The following ANGPT1 variants were observed in gnomAD, a reference collection of about 807,000 sequenced individuals.
ANGPT1 encodes the protein angiopoietin-1.
Under a neutral mutation model 62.2 loss-of-function variants are expected in ANGPT1, and 17 were observed. That is an observed-to-expected ratio of 0.27 (90% CI 0.19 to 0.41). ANGPT1 has a LOEUF of 0.41. Ranked by LOEUF, ANGPT1 falls within the 10% of genes least tolerant of loss-of-function variation. The pLI is 1.00. For missense variants in ANGPT1, 478 were observed against 594.9 expected, an observed-to-expected ratio of 0.80 and a Z score of 2.04; for synonymous variants, 199 against 198.9, an observed-to-expected ratio of 1.00 and a Z score of 0.00.
intron 2 of ANGPT1, among the ~76,000 whole-genome samples, chr8:107,341,760 T>C (rs1402525836): frequency 6.6e-6 from 1 of 151,820 alleles, no homozygotes; most frequent in Non-Finnish European, 1.5e-5. Context: ...TGGGTAGAAA[T>C]AACTCTCCCA....
At chr8:107,458,093 A>C (rs894904687) in intron 1 of ANGPT1, among the ~76,000 whole-genome samples, 3 of 152,178 alleles carry the variant, frequency 2.0e-5, no homozygotes, top group Non-Finnish European at 4.4e-5. Context: ...TACAACAATT[A>C]TTGTCCATGT....
At chr8:107,452,484 ATTTTTATT>A (rs1305601407) in intron 1 of ANGPT1, among the ~76,000 whole-genome samples, 1 of 150,936 alleles carries the variant, frequency 6.6e-6, no homozygotes, top group Non-Finnish European at 1.5e-5. Context: ...TTATTTCTTT[ATTTTTATT>A]TTTTTATTTT....
chr8:107,254,095 G>A (rs73309740), intron 8 of ANGPT1, among the ~76,000 whole-genome samples: 1,811 of 152,152 alleles, frequency 0.012, 51 homozygotes, highest in African/African-American at 0.042. Flanking sequence ...GACACCTAAC[G>A]AAGTTTGCTT....
rs1336388962 is a variant in ANGPT1, at chr8:107,465,392, GT to G, written c.297+31869del. ...CTTGTCATAATAAGAACTAATCACA[GT>G]GAATTTTTCATTAACAAATATAAAA... On this transcript the variant is annotated intron_variant, in intron 1 of 8. Transcript: ENST00000517746. 2.0e-5 allele frequency among the ~76,000 whole-genome samples: 3 copies of G among 152,086 alleles called. No individual in the cohort carries two copies. The East Asian group carries it at 5.8e-4, about 29-fold the overall frequency.
Position 107,462,321 on chromosome 8 carries a change from G to C in ANGPT1, c.297+34941C>G, listed in dbSNP as rs953218901. 4.0e-5 allele frequency among the ~76,000 whole-genome samples: 6 copies of C among 151,782 alleles called. No homozygotes were observed. The East Asian group carries it at 1.2e-3, about 30-fold the overall frequency. ...TGCCATCTCTTAAGCAGTACAGATT[G>C]TGTCTGGGTAGCACGAACATAATTC... On this transcript the variant is annotated intron_variant, in intron 1 of 8. Coordinates refer to ENST00000517746, the MANE Select transcript of ANGPT1 (RefSeq NM_001146.5).
chr8:107,364,333 T>G (rs1816228930), intron 1 of ANGPT1, among the ~76,000 whole-genome samples: 1 of 152,192 alleles, frequency 6.6e-6, no homozygotes, highest in African/African-American at 2.4e-5. Context: ...CAGGCTGAAG[T>G]GCAGTGGTGA....
chr8:107,415,079 C>A (rs1405983082), intron 1 of ANGPT1, among the ~76,000 whole-genome samples: 1 of 152,096 alleles, frequency 6.6e-6, no homozygotes, highest in Non-Finnish European at 1.5e-5. Context: ...CTGCTCTGAT[C>A]AAGGAATGTG....
At chr8:107,453,595 C>G (rs1375318294) in intron 1 of ANGPT1, among the ~76,000 whole-genome samples, 3 of 152,022 alleles carry the variant, frequency 2.0e-5, no homozygotes, top group African/African-American at 7.2e-5. Context: ...GGATCCCTCC[C>G]ACAACACATG....
chr8:107,338,131 A>G (rs958864996), intron 2 of ANGPT1, among the ~76,000 whole-genome samples: 7 of 152,140 alleles, frequency 4.6e-5, no homozygotes, highest in Admixed American at 1.3e-4. Context: ...AAATACACCA[A>G]TAGACCCTGG....
chr8:107,344,475 A>G (rs1311689493), intron 2 of ANGPT1, among the ~76,000 whole-genome samples: 2 of 152,218 alleles, frequency 1.3e-5, no homozygotes, highest in African/African-American at 2.4e-5. Flanking sequence ...AGTTATTCAG[A>G]TGTGGTCATT....
intron 1 of ANGPT1, among the ~76,000 whole-genome samples, chr8:107,413,267 C>A (rs899971392): frequency 3.9e-5 from 6 of 152,114 alleles, no homozygotes; most frequent in African/African-American, 1.2e-4. Context: ...AATTTGACTT[C>A]GTGTTAACTC....
chr8:107,496,078 ATAGAGCATTTGTCCTTTCCC>A (rs1009750733), intron 1 of ANGPT1, among the ~76,000 whole-genome samples: 1 of 152,220 alleles, frequency 6.6e-6, no homozygotes, highest in Non-Finnish European at 1.5e-5. Context: ...CAGGAACAAA[ATAGAGCATTTGTCCTTTCCC>A]TATCTTTTAT....
intron 7 of ANGPT1, among the ~76,000 whole-genome samples, chr8:107,278,043 A>C (rs1813906434): frequency 6.6e-6 from 1 of 151,928 alleles, no homozygotes; most frequent in South Asian, 2.1e-4. Context: ...CATGATAAAA[A>C]TTTAATTTAA....
intron 1 of ANGPT1, among the ~76,000 whole-genome samples, chr8:107,350,091 A>G (rs149387675): frequency 2.3e-4 from 35 of 152,288 alleles, no homozygotes; most frequent in African/African-American, 8.2e-4. Flanking sequence ...CTTGATGTAT[A>G]TATATACAAA....
At chr8:107,319,114 T>G (rs765894454) in intron 4 of ANGPT1, among the ~76,000 whole-genome samples, 11 of 152,188 alleles carry the variant, frequency 7.2e-5, no homozygotes, top group Non-Finnish European at 1.3e-4. Flanking sequence ...AACTAAAGTT[T>G]AATGAATCAA....
chr8:107,495,848 C>G (rs181720701), intron 1 of ANGPT1, among the ~76,000 whole-genome samples: 386 of 152,252 alleles, frequency 2.5e-3, no homozygotes, highest in African/African-American at 9.1e-3. Context: ...GTTCTGTTTG[C>G]TTTTTATTCT....
intron 1 of ANGPT1, among the ~76,000 whole-genome samples, chr8:107,434,283 G>A (rs1811278420): frequency 6.6e-6 from 1 of 152,196 alleles, no homozygotes; most frequent in Non-Finnish European, 1.5e-5. Context: ...AGGCCGGGCG[G>A]GAAAGTGGGA....
chr8:107,485,507 C>A (rs762157822), intron 1 of ANGPT1, among the ~76,000 whole-genome samples: 1 of 152,084 alleles, frequency 6.6e-6, no homozygotes, highest in Non-Finnish European at 1.5e-5. Flanking sequence ...AGTGGCCAGG[C>A]CTCCAAGATC....
intron 1 of ANGPT1, among the ~76,000 whole-genome samples, chr8:107,347,838 T>A (rs1430562359): frequency 6.6e-6 from 1 of 152,192 alleles, no homozygotes; most frequent in Non-Finnish European, 1.5e-5. Context: ...GGGTAATATT[T>A]AGTCCTTTAT....
Sources: allele counts gnomAD v4.1 joint callset (sites outside exome capture counted in the v4.1 genomes callset), GRCh38; gene constraint gnomAD v4.1.1; transcripts MANE v1.5; gene names NCBI Gene and HGNC (gene_info 2026-07-23, HGNC 2026-07-21).